The following SGCZ variants were observed in gnomAD, a reference collection of about 807,000 sequenced individuals.
SGCZ encodes the protein zeta-sarcoglycan.
In SGCZ, 40 loss-of-function variants were observed where a neutral mutation model predicts 41.3. That is an observed-to-expected ratio of 0.97 (90% confidence interval 0.75 to 1.26). The LOEUF (loss-of-function observed/expected upper bound fraction) is 1.26. Ranked by LOEUF, SGCZ falls within the 50% of genes most tolerant of loss-of-function variation. SGCZ has a pLI of 0.00. For missense variants in SGCZ, 552 were observed against 369.8 expected (o/e 1.49, Z -4.04); for synonymous variants, 206 against 137.5 (o/e 1.50, Z -3.49).
At chr8:14,151,816 A>G (rs1480398217) in intron 5 of SGCZ, among the ~76,000 whole-genome samples, 1 of 152,302 alleles carries the variant, frequency 6.6e-6, no homozygotes, top group African/African-American at 2.4e-5. Flanking sequence ...TTTACCTAAC[A>G]GACTTTTGAC....
intron 1 of SGCZ, among the ~76,000 whole-genome samples, chr8:14,834,438 T>C (rs1041864677): frequency 2.0e-5 from 3 of 152,156 alleles, no homozygotes; most frequent in East Asian, 1.9e-4. Flanking sequence ...TCATGCTACA[T>C]GTTAATCGCA....
chr8:14,918,568 A>T (rs893124369), intron 1 of SGCZ, among the ~76,000 whole-genome samples: 2 of 152,220 alleles, frequency 1.3e-5, no homozygotes, highest in African/African-American at 4.8e-5. Context: ...AAACAAACAA[A>T]TGATAATGCA....
At chr8:14,396,028 G>C (rs1284869971) in intron 2 of SGCZ, among the ~76,000 whole-genome samples, 1 of 152,070 alleles carries the variant, frequency 6.6e-6, no homozygotes, top group Non-Finnish European at 1.5e-5. Flanking sequence ...CGGAGAGAGG[G>C]TACGTACAAA....
intron 2 of SGCZ, among the ~76,000 whole-genome samples, chr8:14,514,732 C>CAT (rs1368515633): frequency 6.9e-6 from 1 of 145,274 alleles, no homozygotes; most frequent in Admixed American, 6.9e-5. Context: ...AACATATTTA[C>CAT]ATATATGTAA....
intron 1 of SGCZ, among the ~76,000 whole-genome samples, chr8:14,796,461 G>T (rs1287278314): frequency 3.3e-5 from 5 of 151,772 alleles, no homozygotes; most frequent in South Asian, 2.1e-4. Flanking sequence ...GTGTCACAAG[G>T]TCACTTATTT....
At chr8:14,624,933 C>G (rs1010460615) in intron 1 of SGCZ, among the ~76,000 whole-genome samples, 1 of 152,164 alleles carries the variant, frequency 6.6e-6, no homozygotes, top group East Asian at 1.9e-4. Context: ...AGGTATAGAT[C>G]GTCCTTGATA....
chr8:14,691,468 CTTAA>C, intron 1 of SGCZ, among the ~76,000 whole-genome samples: 2 of 152,086 alleles, frequency 1.3e-5, no homozygotes, highest in Middle Eastern at 6.8e-3. Flanking sequence ...GGAAGGGTTA[CTTAA>C]TTATGTCGTC....
intron 4 of SGCZ, among the ~76,000 whole-genome samples, chr8:14,168,620 C>T (rs191979114): frequency 6.6e-5 from 10 of 152,270 alleles, no homozygotes; most frequent in Non-Finnish European, 4.4e-5. Flanking sequence ...TCCCCAGCCA[C>T]GTGGAACTGT....
intron 1 of SGCZ, among the ~76,000 whole-genome samples, chr8:14,964,439 A>C (rs188085019): frequency 2.6e-5 from 4 of 152,146 alleles, no homozygotes; most frequent in African/African-American, 4.8e-5. Context: ...TAGAGCTTCA[A>C]ATTTTTTGGA....
chr8:14,459,016 C>T (rs902188591), intron 2 of SGCZ, among the ~76,000 whole-genome samples: 10 of 152,068 alleles, frequency 6.6e-5, no homozygotes, highest in Admixed American at 2.6e-4. Flanking sequence ...AAACTGGGCA[C>T]CCTCTCATCA....
At chr8:14,349,997 T>C (rs1803029458) in intron 2 of SGCZ, among the ~76,000 whole-genome samples, 2 of 152,180 alleles carry the variant, frequency 1.3e-5, no homozygotes, top group Admixed American at 6.6e-5. Flanking sequence ...AAATCCTTTA[T>C]GGCATAAGAA....
intron 4 of SGCZ, among the ~76,000 whole-genome samples, chr8:14,186,426 G>C (rs895166123): frequency 2.0e-5 from 3 of 152,144 alleles, no homozygotes; most frequent in African/African-American, 4.8e-5. Flanking sequence ...CTTCATCTAT[G>C]TCACAGTATT....
chr8:15,113,213 A>C (rs117027993), intron 1 of SGCZ, among the ~76,000 whole-genome samples: 4,666 of 151,956 alleles, frequency 0.031, 102 homozygotes, highest in Non-Finnish European at 0.044. Context: ...GGCTCAAAAA[A>C]AAAAAAAAAC....
At chr8:15,154,757 G>C (rs1299665899) in intron 1 of SGCZ, among the ~76,000 whole-genome samples, 3 of 152,080 alleles carry the variant, frequency 2.0e-5, no homozygotes, top group East Asian at 3.9e-4. Flanking sequence ...TTAGTAATTC[G>C]ACTGAGACAG....
At chr8:14,854,277 A>G (rs534466389) in intron 1 of SGCZ, among the ~76,000 whole-genome samples, 6 of 151,762 alleles carry the variant, frequency 4.0e-5, no homozygotes, top group Admixed American at 3.3e-4. Flanking sequence ...TATATGCAAA[A>G]TGACTCACTT....
intron 1 of SGCZ, among the ~76,000 whole-genome samples, chr8:15,235,743 A>T (rs1196826237): frequency 1.3e-5 from 2 of 152,070 alleles, no homozygotes; most frequent in African/African-American, 4.8e-5. Context: ...GGAAAGAATC[A>T]CCCCAAATCA....
chr8:14,366,868 G>A (rs1177956659), intron 2 of SGCZ, among the ~76,000 whole-genome samples: 2 of 152,126 alleles, frequency 1.3e-5, no homozygotes, highest in Non-Finnish European at 2.9e-5. Context: ...AGGCCTCTGG[G>A]CCTGTGATGG....
chr8:14,373,177 T>C (rs1803972668), intron 2 of SGCZ, among the ~76,000 whole-genome samples: 1 of 152,144 alleles, frequency 6.6e-6, no homozygotes, highest in Non-Finnish European at 1.5e-5. Flanking sequence ...ATTGAGTGCA[T>C]GAGGTTAAGC....
chr8:14,858,281 C>T (rs753101049), intron 1 of SGCZ, among the ~76,000 whole-genome samples: 7 of 151,848 alleles, frequency 4.6e-5, no homozygotes, highest in Non-Finnish European at 1.0e-4. Flanking sequence ...CAATAATGAA[C>T]TCATCACATT....
Sources: allele counts gnomAD v4.1 joint callset (sites outside exome capture counted in the v4.1 genomes callset), GRCh38; gene constraint gnomAD v4.1.1; transcripts MANE v1.5; gene names NCBI Gene and HGNC (gene_info 2026-07-23, HGNC 2026-07-21).